GABBR2: variants seen among roughly 807,000 people sequenced by gnomAD.
The protein encoded by GABBR2 is G-protein coupled receptor 51.
A neutral mutation model predicts 105.6 loss-of-function variants in GABBR2; 23 were observed. The ratio of observed to expected loss-of-function variants is 0.22; its 90% CI spans 0.16 to 0.31. The LOEUF (loss-of-function observed/expected upper bound fraction) is 0.31. Among genes scored for constraint, GABBR2 ranks in the 10% least tolerant of loss-of-function variants. The probability of loss-of-function intolerance (pLI) is 1.00; values close to 1 mark genes in which losing one functional copy is unlikely to be tolerated. For missense variants in GABBR2, 734 were observed against 1,245.5 expected, an observed-to-expected ratio of 0.59 and a Z score of 6.18; for synonymous variants, 478 against 499.7, an observed-to-expected ratio of 0.96 and a Z score of 0.58.
intron 2 of GABBR2, among the ~76,000 whole-genome samples, chr9:98,553,012 A>AT (rs1013013401): frequency 3.3e-5 from 5 of 151,900 alleles, no homozygotes; most frequent in Non-Finnish European, 7.4e-5. Flanking sequence ...AGTAGCTGGG[A>AT]TTATACCCAC....
chr9:98,532,457 CCT>C (rs1467084875), intron 3 of GABBR2, among the ~76,000 whole-genome samples: 1 of 152,160 alleles, frequency 6.6e-6, no homozygotes, highest in Non-Finnish European at 1.5e-5. Flanking sequence ...GTCGGAGTCC[CCT>C]CTGTCTCCTA....
intron 1 of GABBR2, among the ~76,000 whole-genome samples, chr9:98,598,832 C>A (rs1045006133): frequency 1.3e-5 from 2 of 152,206 alleles, no homozygotes; most frequent in Non-Finnish European, 2.9e-5. Context: ...TCCAAGCCCA[C>A]CTACAGGCCA....
intron 1 of GABBR2, among the ~76,000 whole-genome samples, chr9:98,579,098 G>C (rs1365140330): frequency 6.6e-6 from 1 of 152,122 alleles, no homozygotes; most frequent in Non-Finnish European, 1.5e-5. Flanking sequence ...CATAAAAATG[G>C]TTAAAATGGC....
At position 98,684,169 on chromosome 9, in the gene GABBR2, T is replaced by TTAACAAAAAAAAA. The variant is rs376323708; in HGVS notation, c.321+24247_321+24248insTTTTTTTTTGTTA. ...AAAAGAAGAATGCATTTTACCACGGTAAAAAAAAAAAAAAAAAAAAAAAAA... is the reference window on the plus strand; with the variant it reads ...AAAAGAAGAATGCATTTTACCACGGTTAACAAAAAAAAAAAAAAAAAAAAAAAAAAAAAAAAAA... On this transcript the variant is annotated intron_variant, in intron 1 of 18. Transcript: ENST00000259455. 7.6e-5 allele frequency among the ~76,000 whole-genome samples: 5 copies of TTAACAAAAAAAAA among 66,140 alleles called. No homozygotes were observed. The South Asian group carries it at 2.0e-3, about 27-fold the overall frequency. 43.4% of individuals were successfully genotyped at this position (66,140 alleles called of 152,430 possible). A position where few individuals can be genotyped will look rare whatever the true frequency, so the allele number is the denominator to read the frequency against.
intron 13 of GABBR2, among the ~76,000 whole-genome samples, chr9:98,335,980 T>G (rs1319299933): frequency 6.6e-6 from 1 of 152,206 alleles, no homozygotes; most frequent in Non-Finnish European, 1.5e-5. Flanking sequence ...AAGGGCCCTG[T>G]TTCATGGGGC....
rs370170606 is a variant in GABBR2 at position 98,480,549 on chromosome 9, A to G, written c.798+383T>C. Among the ~76,000 whole-genome samples the G allele has an allele frequency of 2.3e-4, 35 of 152,332 alleles. No individual in the cohort carries two copies. The South Asian group carries it at 7.3e-3, about 32-fold the overall frequency. The stretch of plus-strand genomic sequence containing the variant: ...AGACAGCTGTAAAGGATTCAGGAGG[A>G]GAAAATCAATAGTTGATAATTTGTC... On this transcript the variant is annotated intron_variant, in intron 5 of 18. Transcript: ENST00000259455.
intron 1 of GABBR2, among the ~76,000 whole-genome samples, chr9:98,643,020 C>G (rs1024106697): frequency 1.3e-5 from 2 of 152,170 alleles, no homozygotes; most frequent in African/African-American, 4.8e-5. Flanking sequence ...CAGAAGCAGA[C>G]TCTGAGATAA....
At chr9:98,573,313 C>T (rs946556401) in intron 2 of GABBR2, among the ~76,000 whole-genome samples, 2 of 152,116 alleles carry the variant, frequency 1.3e-5, no homozygotes, top group East Asian at 1.9e-4. Flanking sequence ...GGCAGGGTAT[C>T]GCTTTTTCGC....
chr9:98,393,029 C>CCCAACCATCCAT (rs796720120), intron 9 of GABBR2, among the ~76,000 whole-genome samples: 6,823 of 123,008 alleles, frequency 0.055, 213 homozygotes, highest in Non-Finnish European at 0.063. Context: ...CATGCATCCA[C>CCCAACCATCCAT]CCATCCATCC....
At chr9:98,576,383 A>G (rs2131778381) in intron 2 of GABBR2, among the ~76,000 whole-genome samples, 1 of 152,296 alleles carries the variant, frequency 6.6e-6, no homozygotes, top group South Asian at 2.1e-4. Context: ...CGCTTCACCC[A>G]GTGGTCTCCT....
intron 3 of GABBR2, among the ~76,000 whole-genome samples, chr9:98,520,948 T>C (rs1242603213): frequency 6.6e-6 from 1 of 151,924 alleles, no homozygotes; most frequent in Admixed American, 6.6e-5. Context: ...TAAAACCAGA[T>C]ATGAAGAAAG....
intron 8 of GABBR2, among the ~76,000 whole-genome samples, chr9:98,398,616 T>C (rs1462620260): frequency 6.6e-6 from 1 of 152,098 alleles, no homozygotes; most frequent in Non-Finnish European, 1.5e-5. Context: ...CGGCTCCTGC[T>C]CCTGACCATC....
chr9:98,669,532 G>T (rs184285123), intron 1 of GABBR2, among the ~76,000 whole-genome samples: 165 of 152,150 alleles, frequency 1.1e-3, no homozygotes, highest in Middle Eastern at 3.4e-3. Flanking sequence ...ATTCAGGCAC[G>T]CTTCTAGAGT....
intron 1 of GABBR2, among the ~76,000 whole-genome samples, chr9:98,641,492 A>G (rs1829961897): frequency 6.6e-6 from 1 of 151,800 alleles, no homozygotes; most frequent in Non-Finnish European, 1.5e-5. Context: ...CAGCATTCTC[A>G]TGGGGTAAGA....
chr9:98,443,841 T>C (rs1057129659), intron 7 of GABBR2, among the ~76,000 whole-genome samples: 1 of 152,208 alleles, frequency 6.6e-6, no homozygotes, highest in Non-Finnish European at 1.5e-5. Context: ...AATATGGGGA[T>C]GGTAGTACCT....
chr9:98,600,010 G>A (rs746849470), intron 1 of GABBR2, among the ~76,000 whole-genome samples: 71 of 152,292 alleles, frequency 4.7e-4, no homozygotes, highest in Admixed American at 9.8e-4. Context: ...GGGCAGGCAC[G>A]CGCTGGCTAA....
At chr9:98,704,293 A>G (rs1345474382) in intron 1 of GABBR2, among the ~76,000 whole-genome samples, 2 of 152,224 alleles carry the variant, frequency 1.3e-5, no homozygotes, top group Non-Finnish European at 2.9e-5. Flanking sequence ...ATGCTCAACA[A>G]TCACTGGGAT....
At chr9:98,377,709 T>C (rs1255547409) in intron 11 of GABBR2, among the ~76,000 whole-genome samples, 1 of 152,134 alleles carries the variant, frequency 6.6e-6, no homozygotes, top group African/African-American at 2.4e-5. Context: ...GGCCATCATC[T>C]GCTTATTGGC....
chr9:98,326,708 T>C (rs1830931061), intron 13 of GABBR2, among the ~76,000 whole-genome samples: 1 of 152,264 alleles, frequency 6.6e-6, no homozygotes, highest in Non-Finnish European at 1.5e-5. Context: ...TAAACCCTTG[T>C]TGCACTGAGC....
Sources: allele counts gnomAD v4.1 joint callset (sites outside exome capture counted in the v4.1 genomes callset), GRCh38; gene constraint gnomAD v4.1.1; transcripts MANE v1.5; gene names NCBI Gene and HGNC (gene_info 2026-07-23, HGNC 2026-07-21).